CPNE4: variants seen among roughly 807,000 people sequenced by gnomAD.
CPNE4 encodes the protein copine-4.
CPNE4 carries 25 observed loss-of-function variants against 67.9 expected under a neutral mutation model. The ratio of observed to expected loss-of-function variants is 0.37; its 90% CI spans 0.27 to 0.51. The LOEUF is 0.51. CPNE4 is among the 20% of genes least tolerant of loss of function. The pLI is 0.93. For missense variants in CPNE4, 464 were observed against 690.8 expected (o/e 0.67, Z 3.68); for synonymous variants, 242 against 244.9 (o/e 0.99, Z 0.11).
At position 131,991,663 on chromosome 3, in the gene CPNE4, T is replaced by G. The variant is rs2107650303; in HGVS notation, c.-2+42904A>C. ...TTTCTGGGGAGAAATTCAAGCCCAC[T>G]GGAGAAATTTGAGTAAGTAATCACC... On this transcript the variant is annotated intron_variant, in intron 1 of 15. Coordinates refer to ENST00000429747, the MANE Select transcript of CPNE4 (RefSeq NM_130808.3). Among the ~76,000 whole-genome samples the G allele has an allele frequency of 1.5e-5, 2 of 136,102 alleles. 1 individual carries two copies. The highest frequency in any genetic ancestry group is 4.8e-4 in the East Asian group (2 of 4,200). The allele number at this position is 136,102 out of a possible 152,430, so 89.3% of individuals were successfully genotyped here.
intron 2 of CPNE4, among the ~76,000 whole-genome samples, chr3:131,811,521 C>T (rs141485633): frequency 3.3e-5 from 5 of 152,162 alleles, no homozygotes; most frequent in African/African-American, 9.6e-5. Context: ...TCACCTAGTA[C>T]GAACTGAAGC....
intron 1 of CPNE4, among the ~76,000 whole-genome samples, chr3:131,998,149 C>A (rs2073342803): frequency 6.6e-6 from 1 of 152,108 alleles, no homozygotes; most frequent in South Asian, 2.1e-4. Flanking sequence ...TCCCTCTCTA[C>A]CACACCAGGA....
intron 2 of CPNE4, among the ~76,000 whole-genome samples, chr3:131,788,506 A>G (rs1479761301): frequency 6.6e-6 from 1 of 152,144 alleles, no homozygotes; most frequent in Non-Finnish European, 1.5e-5. Flanking sequence ...GTAATACTCA[A>G]TGTTGACAAA....
In CPNE4 at chr3:131,567,518, C is replaced by T. The variant is rs147206707; in HGVS notation, c.928-3169G>A. On this transcript the variant is annotated intron_variant, in intron 10 of 15. Coordinates refer to ENST00000429747, the MANE Select transcript of CPNE4 (RefSeq NM_130808.3). ...TCAGCAGACCCTATACTTGCAAAAT[C>T]CGCAGAGTGAGAGTCTCCTTAAATT... Among the ~76,000 whole-genome samples, 449 of 152,106 alleles carry T rather than the reference C, an allele frequency of 3.0e-3. 3 individuals are homozygous for T. The highest frequency in any genetic ancestry group is 0.014 in the Middle Eastern group (4 of 294).
At chr3:131,996,745 C>T (rs1241757580) in intron 1 of CPNE4, among the ~76,000 whole-genome samples, 4 of 151,984 alleles carry the variant, frequency 2.6e-5, no homozygotes, top group African/African-American at 9.7e-5. Flanking sequence ...TGTCATAGTT[C>T]TGTACGGCGT....
At chr3:131,922,775 G>A (rs2070776354) in intron 1 of CPNE4, among the ~76,000 whole-genome samples, 1 of 152,152 alleles carries the variant, frequency 6.6e-6, no homozygotes, top group Admixed American at 6.5e-5. Context: ...GAGAATTAGA[G>A]GAGAGAATAG....
chr3:131,801,372 CATATATAT>C (rs201764210), intron 2 of CPNE4, among the ~76,000 whole-genome samples: 1 of 86,212 alleles, frequency 1.2e-5, no homozygotes, highest in Non-Finnish European at 2.3e-5. Flanking sequence ...ATATATGTAC[CATATATAT>C]ATATATGGTA....
chr3:131,535,897 C>G (rs1370523069), intron 15 of CPNE4, among the ~76,000 whole-genome samples: 1 of 152,208 alleles, frequency 6.6e-6, no homozygotes, highest in East Asian at 1.9e-4. Context: ...TTGAGAAGCT[C>G]TTCTCTAGAG....
At chr3:131,921,918 CT>C in intron 1 of CPNE4, among the ~76,000 whole-genome samples, 1 of 152,236 alleles carries the variant, frequency 6.6e-6, no homozygotes, top group Non-Finnish European at 1.5e-5. Flanking sequence ...CAAGCAGGCT[CT>C]TTTTGATATA....
At position 131,617,573 on chromosome 3, in the gene CPNE4, T is replaced by G. The variant is rs549101303; in HGVS notation, c.682-29991A>C. Among the ~76,000 whole-genome samples, 498 of 152,330 alleles carry G rather than the reference T, an allele frequency of 3.3e-3. 2 individuals carry two copies. The highest frequency in any genetic ancestry group is 0.011 in the African/African-American group (457 of 41,582). ...GAAAACAATGTGTAGACTAAAATTTTCAATAGAAATGCTGATCTTTATCAT... is the reference window on the plus strand; with the variant it reads ...GAAAACAATGTGTAGACTAAAATTTGCAATAGAAATGCTGATCTTTATCAT... On this transcript the variant is annotated intron_variant, in intron 7 of 15. Transcript: ENST00000429747.
chr3:131,628,327 G>A (rs1224802035), intron 7 of CPNE4, among the ~76,000 whole-genome samples: 1 of 152,190 alleles, frequency 6.6e-6, no homozygotes, highest in Non-Finnish European at 1.5e-5. Context: ...TCAGAATCAT[G>A]GTGGGAGGTG....
chr3:131,928,826 A>C (rs543301004), intron 1 of CPNE4, among the ~76,000 whole-genome samples: 1 of 152,278 alleles, frequency 6.6e-6, no homozygotes, highest in Admixed American at 6.5e-5. Flanking sequence ...TGTTTCCCTG[A>C]CACCTTTGTC....
intron 2 of CPNE4, among the ~76,000 whole-genome samples, chr3:131,835,402 G>A (rs1210989801): frequency 6.6e-6 from 1 of 152,106 alleles, no homozygotes; most frequent in Admixed American, 6.5e-5. Flanking sequence ...GGTGGGGCGT[G>A]CCTGTATTCT....
At chr3:131,979,988 A>ATAAT (rs1217872592) in intron 1 of CPNE4, among the ~76,000 whole-genome samples, 1 of 152,092 alleles carries the variant, frequency 6.6e-6, no homozygotes, top group Non-Finnish European at 1.5e-5. Context: ...TTCTTGGCTG[A>ATAAT]TAATTGTTTT....
At chr3:131,813,507 A>AT (rs1171092841) in intron 2 of CPNE4, among the ~76,000 whole-genome samples, 3 of 149,714 alleles carry the variant, frequency 2.0e-5, no homozygotes, top group East Asian at 1.9e-4. Flanking sequence ...TTTAAAATAT[A>AT]TTTTTTCTAT....
At chr3:131,801,214 C>T (rs773619355) in intron 2 of CPNE4, among the ~76,000 whole-genome samples, 52 of 151,558 alleles carry the variant, frequency 3.4e-4, no homozygotes, top group Non-Finnish European at 6.6e-4. Context: ...AATCAGTACT[C>T]AGACAGTACC....
chr3:131,674,506 A>G (rs1357716313), intron 6 of CPNE4, among the ~76,000 whole-genome samples: 1 of 151,882 alleles, frequency 6.6e-6, no homozygotes, highest in Admixed American at 6.6e-5. Context: ...GTTATTTGAT[A>G]TTGATCTGTT....
intron 5 of CPNE4, among the ~76,000 whole-genome samples, chr3:131,687,026 C>G (rs1024697645): frequency 1.3e-5 from 2 of 152,186 alleles, no homozygotes; most frequent in African/African-American, 4.8e-5. Context: ...ACGAATCAGC[C>G]TTGAGGAATT....
chr3:131,745,199 T>G (rs1295995670), intron 2 of CPNE4, among the ~76,000 whole-genome samples: 2 of 152,162 alleles, frequency 1.3e-5, no homozygotes, highest in Non-Finnish European at 2.9e-5. Flanking sequence ...GTCAAACACC[T>G]TTTCATGTAC....
Sources: gnomAD v4.1 joint callset for allele counts (sites outside exome capture counted in the v4.1 genomes callset) on GRCh38, gnomAD v4.1.1 for gene constraint, MANE v1.5 for transcripts, NCBI Gene and HGNC (gene_info 2026-07-23, HGNC 2026-07-21) for gene names.